The following CCDC6 variants were observed in gnomAD, a reference collection of about 807,000 sequenced individuals.
The protein encoded by CCDC6 is coiled-coil domain containing 6, also known as coiled-coil domain-containing protein 6.
A neutral mutation model predicts 56.6 loss-of-function variants in CCDC6; 20 were observed. That is an observed-to-expected ratio of 0.35 (90% CI 0.25 to 0.51). CCDC6 has a LOEUF of 0.51. Among genes scored for constraint, CCDC6 ranks in the 20% least tolerant of loss-of-function variants. The pLI, the probability that CCDC6 is intolerant of heterozygous loss-of-function variation, is 0.95. For missense variants in CCDC6, 367 were observed against 601.1 expected (o/e 0.61, Z 4.07); for synonymous variants, 241 against 234.4 (o/e 1.03, Z -0.26).
At position 59,812,717 on chromosome 10, in the gene CCDC6, T is replaced by C. The variant is rs1458094851; in HGVS notation, c.765A>G (p.Pro255=). ...ACCTGATGTGACGCATCATATTTTC[T>C]GGAGAATCAATCTCCATGGAGATAT... is the stretch of plus-strand genomic sequence containing the variant. The part of the protein sequence containing the change: ...PRDISMEIDS[P]ENMMRHIRFL... The change falls in exon 5 of 9, where the codon CCA becomes CCG. Residue 255 remains proline (P), a synonymous_variant. Transcript: ENST00000263102. 18 of 1,612,682 alleles carry C rather than the reference T, an allele frequency of 1.1e-5. No individual in the cohort carries two copies. The highest frequency in any genetic ancestry group is 1.4e-5 in the Non-Finnish European group (17 of 1,178,896).
At chr10:59,845,783 C>A (rs540166635) in intron 2 of CCDC6, among the ~76,000 whole-genome samples, 1 of 152,260 alleles carries the variant, frequency 6.6e-6, no homozygotes, top group East Asian at 1.9e-4. Context: ...GAAAAACAAG[C>A]CAGGAGGGCC....
intron 1 of CCDC6, among the ~76,000 whole-genome samples, chr10:59,871,658 T>C (rs1664256): frequency 0.57 from 87,103 of 151,574 alleles, 25,367 homozygotes; most frequent in East Asian, 0.74. Flanking sequence ...CTGGTTTTGC[T>C]GTTAACTCTT....
In CCDC6 at chr10:59,794,470, T is replaced by C; in HGVS notation, c.1230+3A>G. ...TGCTGCTTCCTACCCCACGGACACT[T>C]ACTGTGATACCATGGGATGTTCCCA... On this transcript the variant is annotated splice_donor_region_variant and intron_variant, in intron 8 of 8. Coordinates refer to ENST00000263102, the MANE Select transcript of CCDC6 (RefSeq NM_005436.5). 1.2e-6 allele frequency: 2 copies of C among 1,614,038 alleles called. No homozygotes were observed. The highest frequency in any genetic ancestry group is 1.7e-6 in the Non-Finnish European group (2 of 1,179,904).
chr10:59,832,624 C>T lies in CCDC6; in HGVS notation c.483G>A (p.Gln161=), dbSNP rs769845751. The change falls in exon 3 of 9, where the codon CAG becomes CAA. Residue 161 remains glutamine, a synonymous_variant. Coordinates refer to ENST00000263102, the MANE Select transcript of CCDC6 (RefSeq NM_005436.5). The part of the protein sequence containing the change: ...QLQHEKAELE[Q]HLEQEQEFQV... Reference sequence around the variant, plus strand: ...GAAATTCCTGCTCTTGTTCAAGATGCTGTTCTAGTTCGGCTTTCTCATGCT... The same window carrying T: ...GAAATTCCTGCTCTTGTTCAAGATGTTGTTCTAGTTCGGCTTTCTCATGCT... The T allele has an allele frequency of 6.2e-7, 1 of 1,613,146 alleles. No homozygotes were observed. The highest frequency in any genetic ancestry group is 1.7e-4 in the Middle Eastern group (1 of 6,054).
chr10:59,803,612 C>T (rs919701701), intron 7 of CCDC6, among the ~76,000 whole-genome samples: 1 of 152,202 alleles, frequency 6.6e-6, no homozygotes, highest in Non-Finnish European at 1.5e-5. Flanking sequence ...GCCACCCACT[C>T]CACCCTCTGC....
At chr10:59,845,065 G>GT (rs1017975566) in intron 2 of CCDC6, among the ~76,000 whole-genome samples, 119 of 152,208 alleles carry the variant, frequency 7.8e-4, no homozygotes, top group African/African-American at 2.8e-3. Context: ...GAACTACAAA[G>GT]TTTTAAAGTT....
chr10:59,819,629 G>A (rs117880565), intron 3 of CCDC6, among the ~76,000 whole-genome samples: 2,490 of 152,324 alleles, frequency 0.016, 29 homozygotes, highest in Middle Eastern at 0.044. Context: ...AGGGTAGTAA[G>A]TTGGAAATTC....
chr10:59,798,790 C>T (rs577020705), intron 7 of CCDC6, among the ~76,000 whole-genome samples: 1 of 151,802 alleles, frequency 6.6e-6, no homozygotes, highest in Non-Finnish European at 1.5e-5. Flanking sequence ...GTCAGGAGTT[C>T]GAGACCAGCC....
At position 59,831,696 on chromosome 10, in the gene CCDC6, C is replaced by T. The variant is rs189234131; in HGVS notation, c.582+829G>A. On this transcript the variant is annotated intron_variant, in intron 3 of 8. Transcript: ENST00000263102. Reference sequence around the variant, plus strand: ...ACTTAAGGGAACTAAAATTTCAGGACGCTAGCATGGGTGAAGGCATCGGGG... The same window carrying T: ...ACTTAAGGGAACTAAAATTTCAGGATGCTAGCATGGGTGAAGGCATCGGGG... Among the ~76,000 whole-genome samples the T allele has an allele frequency of 3.9e-4, 60 of 152,242 alleles. 1 individual carries two copies. Among genetic ancestry groups the T allele is most frequent in the African/African-American group, 1.4e-3 (58 of 41,536 alleles).
intron 1 of CCDC6, among the ~76,000 whole-genome samples, chr10:59,864,591 G>T (rs1406499411): frequency 6.6e-6 from 1 of 152,148 alleles, no homozygotes; most frequent in African/African-American, 2.4e-5. Context: ...TACTCAATCA[G>T]TTACCTATTG....
rs2070842365 is a variant in CCDC6, at chr10:59,832,452, G to A, written c.582+73C>T. The A allele has an allele frequency of 2.9e-5, 41 of 1,410,860 alleles. 1 individual carries two copies. The highest frequency in any genetic ancestry group is 2.5e-4 in the Middle Eastern group (1 of 4,026). The allele number at this position is 1,410,860 out of a possible 1,614,324, so 87.4% of individuals were successfully genotyped here. A position where few individuals can be genotyped will look rare whatever the true frequency, so the allele number is the denominator to read the frequency against. On this transcript the variant is annotated intron_variant, in intron 3 of 8. Coordinates refer to ENST00000263102, the MANE Select transcript of CCDC6 (RefSeq NM_005436.5). ...ACTACTTTTCACTTAAATTCCTCCA[G>A]GCATCTTAAAGCTTAAAAGAACAAG...
chr10:59,871,146 A>G (rs2071225795), intron 1 of CCDC6, among the ~76,000 whole-genome samples: 1 of 152,344 alleles, frequency 6.6e-6, no homozygotes, highest in East Asian at 1.9e-4. Context: ...TTCATGTATT[A>G]TACATGAGGA....
At chr10:59,841,025 C>G (rs1564746153) in intron 2 of CCDC6, among the ~76,000 whole-genome samples, 2 of 152,148 alleles carry the variant, frequency 1.3e-5, no homozygotes, top group African/African-American at 4.8e-5. Flanking sequence ...TGCTCAAAAC[C>G]CTGTGGTGGC....
At chr10:59,880,223 C>T (rs1294196730) in intron 1 of CCDC6, among the ~76,000 whole-genome samples, 2 of 152,010 alleles carry the variant, frequency 1.3e-5, no homozygotes, top group African/African-American at 2.4e-5. Context: ...ACGATGACAC[C>T]GAGAGGACCA....
chr10:59,884,937 G>T (rs573820777), intron 1 of CCDC6, among the ~76,000 whole-genome samples: 2 of 152,086 alleles, frequency 1.3e-5, no homozygotes, highest in East Asian at 1.9e-4. Flanking sequence ...GGTGACACAC[G>T]CCTGTAGTCC....
intron 1 of CCDC6, among the ~76,000 whole-genome samples, chr10:59,899,036 T>C (rs1290778891): frequency 1.3e-5 from 2 of 152,184 alleles, no homozygotes; most frequent in African/African-American, 4.8e-5. Context: ...AATTTACTGG[T>C]ATCAGGGTTG....
At chr10:59,824,004 T>G (rs1388804888) in intron 3 of CCDC6, among the ~76,000 whole-genome samples, 1 of 152,228 alleles carries the variant, frequency 6.6e-6, no homozygotes, top group Non-Finnish European at 1.5e-5. Flanking sequence ...CATGATGAGC[T>G]GCCTCTCCTT....
At chr10:59,848,431 C>A (rs1347404724) in intron 2 of CCDC6, among the ~76,000 whole-genome samples, 1 of 152,122 alleles carries the variant, frequency 6.6e-6, no homozygotes, top group African/African-American at 2.4e-5. Flanking sequence ...ATAATCCCAG[C>A]ACTTTGGGAT....
intron 1 of CCDC6, among the ~76,000 whole-genome samples, chr10:59,865,077 T>C (rs144005847): frequency 1.3e-5 from 2 of 152,194 alleles, no homozygotes; most frequent in Admixed American, 6.5e-5. Flanking sequence ...AGATGTGTTG[T>C]TAATTATGGA....
Sources: allele counts gnomAD v4.1 joint callset (sites outside exome capture counted in the v4.1 genomes callset), GRCh38; gene constraint gnomAD v4.1.1; transcripts MANE v1.5; gene names NCBI Gene and HGNC (gene_info 2026-07-23, HGNC 2026-07-21).